The following PRKN variants were observed in gnomAD, a reference collection of about 807,000 sequenced individuals.
PRKN encodes the protein E3 ubiquitin-protein ligase parkin.
In PRKN, 56 loss-of-function variants were observed where a neutral mutation model predicts 59.5. The observed-to-expected ratio is 0.94, with a 90% CI of 0.76 to 1.18. The LOEUF (loss-of-function observed/expected upper bound fraction) is 1.18. PRKN is among the 50% of genes most tolerant of loss of function. PRKN has a pLI of 0.00. For synonymous variants in PRKN, 250 were observed against 222.1 expected (o/e 1.13, Z -1.12); for missense variants, 657 against 596.4 (o/e 1.10, Z -1.06).
intron 4 of PRKN, among the ~76,000 whole-genome samples, chr6:162,103,457 C>T (rs1583036427): frequency 6.6e-6 from 1 of 152,020 alleles, no homozygotes; most frequent in African/African-American, 2.4e-5. Context: ...AATACGGACG[C>T]AATGACTTAA....
intron 8 of PRKN, among the ~76,000 whole-genome samples, chr6:161,556,047 C>A (rs7747958): frequency 0.41 from 61,820 of 151,984 alleles, 12,762 homozygotes; most frequent in East Asian, 0.64. Context: ...GCTTTTATCT[C>A]GGAAGAAGTT....
chr6:161,915,712 G>A (rs541200799), intron 6 of PRKN, among the ~76,000 whole-genome samples: 183 of 152,296 alleles, frequency 1.2e-3, no homozygotes, highest in African/African-American at 4.0e-3. Flanking sequence ...ATGCAAACGT[G>A]TATGATAGGT....
Position 162,313,941 on chromosome 6 carries a change from G to C in PRKN, c.172-51176C>G, listed in dbSNP as rs545070053. ...TACTGCTGTGTAAATACTATTGTTTGTTTTAAATTTTTGAAACTTTTAAAA... is the reference window on the plus strand; with the variant it reads ...TACTGCTGTGTAAATACTATTGTTTCTTTTAAATTTTTGAAACTTTTAAAA... On this transcript the variant is annotated intron_variant, in intron 2 of 11. Transcript: ENST00000366898. 2.6e-3 allele frequency among the ~76,000 whole-genome samples: 395 copies of C among 152,206 alleles called. 3 individuals are homozygous for C. The highest frequency in any genetic ancestry group is 9.2e-3 in the African/African-American group (380 of 41,520).
chr6:161,904,309 GTTT>G (rs1025317025), intron 6 of PRKN, among the ~76,000 whole-genome samples: 2 of 72,566 alleles, frequency 2.8e-5, no homozygotes, highest in African/African-American at 1.3e-4. Context: ...AATTTGTGGG[GTTT>G]TTTTTTTTTT....
chr6:162,402,842 C>A (rs1482762915), intron 2 of PRKN, among the ~76,000 whole-genome samples: 4 of 151,968 alleles, frequency 2.6e-5, no homozygotes, highest in African/African-American at 9.6e-5. Flanking sequence ...TTCTTAGAGA[C>A]AAGGTCCTGC....
At chr6:162,346,549 A>C (rs536864845) in intron 2 of PRKN, among the ~76,000 whole-genome samples, 1 of 151,790 alleles carries the variant, frequency 6.6e-6, no homozygotes, top group Non-Finnish European at 1.5e-5. Context: ...GGAGCCCAGG[A>C]GGCCGAGGCT....
chr6:162,248,353 T>C (rs1779285175), intron 3 of PRKN, among the ~76,000 whole-genome samples: 1 of 152,138 alleles, frequency 6.6e-6, no homozygotes, highest in African/African-American at 2.4e-5. Flanking sequence ...TCACAAAGGG[T>C]TATTTTACAC....
Position 161,777,785 on chromosome 6 carries a change from G to A in PRKN, c.871+7987C>T, listed in dbSNP as rs369210694. ...TATGTATATATGTATATATGTATATGTATATATGATATATGTATATATGTA... is the reference window on the plus strand; with the variant it reads ...TATGTATATATGTATATATGTATATATATATATGATATATGTATATATGTA... On this transcript the variant is annotated intron_variant, in intron 7 of 11. Coordinates refer to ENST00000366898, the MANE Select transcript of PRKN (RefSeq NM_004562.3). Among the ~76,000 whole-genome samples, 720 of 120,064 alleles carry A rather than the reference G, an allele frequency of 6.0e-3. 9 individuals are homozygous for A. Among genetic ancestry groups the A allele is most frequent in the African/African-American group, 0.023 (672 of 29,210 alleles). 78.8% of individuals were successfully genotyped at this position (120,064 alleles called of 152,430 possible).
intron 8 of PRKN, among the ~76,000 whole-genome samples, chr6:161,568,943 G>A (rs558077303): frequency 1.4e-5 from 2 of 147,450 alleles, no homozygotes; most frequent in South Asian, 4.3e-4. Context: ...ATGAAATACA[G>A]ATAACAAACA....
At chr6:162,188,827 AT>A (rs1784142173) in intron 4 of PRKN, among the ~76,000 whole-genome samples, 1 of 150,780 alleles carries the variant, frequency 6.6e-6, no homozygotes, top group Non-Finnish European at 1.5e-5. Context: ...GGGTGGAAAC[AT>A]TTAGGTCAGA....
At chr6:162,678,414 C>T (rs984259744) in intron 1 of PRKN, among the ~76,000 whole-genome samples, 3 of 152,200 alleles carry the variant, frequency 2.0e-5, no homozygotes, top group Admixed American at 6.5e-5. Context: ...TTTTCCATTC[C>T]CATCTGTCAT....
intron 1 of PRKN, among the ~76,000 whole-genome samples, chr6:162,518,387 G>A (rs1777952800): frequency 6.6e-6 from 1 of 152,024 alleles, no homozygotes; most frequent in East Asian, 1.9e-4. Context: ...TATTTTTTGA[G>A]ACAGAATCTC....
At chr6:161,367,419 G>C (rs951959238) in intron 10 of PRKN, among the ~76,000 whole-genome samples, 1 of 151,920 alleles carries the variant, frequency 6.6e-6, no homozygotes, top group African/African-American at 2.4e-5. Context: ...TCTTGGCCTT[G>C]ATTGGAGAGT....
intron 9 of PRKN, among the ~76,000 whole-genome samples, chr6:161,537,681 G>A (rs1174961547): frequency 6.6e-6 from 1 of 152,128 alleles, no homozygotes; most frequent in African/African-American, 2.4e-5. Context: ...TCGATCTCCT[G>A]ACCTCGTGAT....
chr6:162,332,594 A>G (rs771880045), intron 2 of PRKN, among the ~76,000 whole-genome samples: 3 of 152,166 alleles, frequency 2.0e-5, no homozygotes, highest in Non-Finnish European at 4.4e-5. Context: ...TCTACTTTAT[A>G]TCCATCTGTT....
At chr6:162,587,527 A>T (rs545570313) in intron 1 of PRKN, among the ~76,000 whole-genome samples, 58 of 152,300 alleles carry the variant, frequency 3.8e-4, no homozygotes, top group Admixed American at 1.2e-3. Flanking sequence ...ATCAAAAATA[A>T]AACATAGAGT....
chr6:162,453,423 A>C (rs1790718795), intron 1 of PRKN, among the ~76,000 whole-genome samples: 2 of 152,152 alleles, frequency 1.3e-5, no homozygotes, highest in African/African-American at 4.8e-5. Context: ...AGGGAGATGG[A>C]GAATGAGAGG....
chr6:162,513,595 G>A (rs1391929301), intron 1 of PRKN, among the ~76,000 whole-genome samples: 4 of 152,194 alleles, frequency 2.6e-5, no homozygotes, highest in African/African-American at 9.6e-5. Context: ...GGGAAGCCAA[G>A]TGATAGCTTT....
At position 161,349,875 on chromosome 6, in the gene PRKN, G is replaced by A; in HGVS notation, c.*224C>T. 1.7e-6 allele frequency: 1 copy of A among 601,454 alleles called. No homozygotes were observed. 37.3% of individuals were successfully genotyped at this position (601,454 alleles called of 1,614,324 possible). A position where few individuals can be genotyped will look rare whatever the true frequency, so the allele number is the denominator to read the frequency against. On this transcript the variant is annotated 3_prime_UTR_variant, in exon 12 of 12. Transcript: ENST00000366898. This position sits in a 1 kb window ranked among gnomAD's most constrained non-coding sequence, Gnocchi z 5.5. ...TGTGGACAAACTGAAAGGGATTCAG[G>A]AGCTTCTTCTGTAATTTTACTCTGC...
Sources: allele counts gnomAD v4.1 joint callset (sites outside exome capture counted in the v4.1 genomes callset), GRCh38; gene constraint gnomAD v4.1.1; non-coding constraint Gnocchi (gnomAD v3.1); transcripts MANE v1.5; gene names NCBI Gene and HGNC (gene_info 2026-07-23, HGNC 2026-07-21).